The following NEDD4L variants were observed in gnomAD, a reference collection of about 807,000 sequenced individuals.
NEDD4L encodes the protein E3 ubiquitin-protein ligase NEDD4-like.
NEDD4L carries 54 observed loss-of-function variants against 148.9 expected under a neutral mutation model. The observed-to-expected ratio is 0.36, with a 90% CI of 0.29 to 0.45. NEDD4L has a LOEUF of 0.45. Ranked by LOEUF, NEDD4L falls within the 20% of genes least tolerant of loss-of-function variation. The pLI, the probability that NEDD4L is intolerant of heterozygous loss-of-function variation, is 1.00. For synonymous variants in NEDD4L, 433 were observed against 440.7 expected (o/e 0.98, Z 0.22); for missense variants, 856 against 1,233.8 (o/e 0.69, Z 4.59).
chr18:58,307,245 C>G (rs1386615823), intron 5 of NEDD4L, among the ~76,000 whole-genome samples: 3 of 152,096 alleles, frequency 2.0e-5, no homozygotes, highest in Non-Finnish European at 2.9e-5. Context: ...GGAGCCTGGC[C>G]CCTCGTCTTC....
At chr18:58,133,748 A>G (rs2032478114) in intron 1 of NEDD4L, among the ~76,000 whole-genome samples, 1 of 152,222 alleles carries the variant, frequency 6.6e-6, no homozygotes, top group Admixed American at 6.5e-5. Context: ...GTGGCATAAT[A>G]ATAGGACACA....
intron 5 of NEDD4L, among the ~76,000 whole-genome samples, chr18:58,267,760 C>T (rs1190658762): frequency 6.6e-6 from 1 of 152,008 alleles, no homozygotes; most frequent in Admixed American, 6.5e-5. Flanking sequence ...TTTGCACCAG[C>T]GAGTCTGCTT....
At chr18:58,172,193 G>T (rs147078227) in intron 2 of NEDD4L, among the ~76,000 whole-genome samples, 1 of 152,256 alleles carries the variant, frequency 6.6e-6, no homozygotes, top group Non-Finnish European at 1.5e-5. Context: ...AGAGGTACAG[G>T]TGGCAAGGCA....
At chr18:58,330,625 A>G (rs1163400732) in intron 10 of NEDD4L, 113 bp from the exon 11 acceptor site, 2 of 704,344 alleles carry the variant, frequency 2.8e-6, no homozygotes, top group Non-Finnish European at 4.3e-6. Context: ...GGCACTTAGT[A>G]GGTGTTAATT....
chr18:58,062,979 C>A (rs1269509330), intron 1 of NEDD4L, among the ~76,000 whole-genome samples: 1 of 101,190 alleles, frequency 9.9e-6, no homozygotes, highest in African/African-American at 3.3e-5. Context: ...CAGAGCGAAA[C>A]TCCATCTCAA....
chr18:58,116,409 CCAGGCGCAGATGT>C (rs2085842622), intron 1 of NEDD4L, among the ~76,000 whole-genome samples: 1 of 152,178 alleles, frequency 6.6e-6, no homozygotes, highest in Non-Finnish European at 1.5e-5. Context: ...TGCGGTTCTT[CCAGGCGCAGATGT>C]CAGCCCTCTG....
At chr18:58,096,945 G>C (rs2084448536) in intron 1 of NEDD4L, among the ~76,000 whole-genome samples, 1 of 152,178 alleles carries the variant, frequency 6.6e-6, no homozygotes, top group Non-Finnish European at 1.5e-5. Flanking sequence ...GTGGCAGTTA[G>C]AACTTAGGGC....
rs12605830 is a variant in NEDD4L at position 58,277,828 on chromosome 18, T to A, written c.297+25774T>A. Among the ~76,000 whole-genome samples the A allele has an allele frequency of 5.4e-4, 82 of 152,344 alleles. 1 individual carries two copies. The East Asian group carries it at 0.015, about 27-fold the overall frequency. ...AAAAAGTTAGAAATGTATTGGCATG[T>A]TCTGATAGCTTATTTTTAACTACTT... On this transcript the variant is annotated intron_variant, in intron 5 of 30. Transcript: ENST00000400345.
chr18:58,299,493 AT>A (rs928528803), intron 5 of NEDD4L, among the ~76,000 whole-genome samples: 1 of 152,178 alleles, frequency 6.6e-6, no homozygotes, highest in African/African-American at 2.4e-5. Context: ...GAATCAAAAC[AT>A]TTTTTAGTAC....
At chr18:58,295,138 C>T (rs2055370920) in intron 5 of NEDD4L, among the ~76,000 whole-genome samples, 2 of 152,186 alleles carry the variant, frequency 1.3e-5, no homozygotes, top group African/African-American at 4.8e-5. Context: ...CCATAGTTTA[C>T]ACTAGGGTTC....
chr18:58,076,546 CTTT>C, intron 1 of NEDD4L, among the ~76,000 whole-genome samples: 1 of 152,240 alleles, frequency 6.6e-6, no homozygotes, highest in Middle Eastern at 3.4e-3. Context: ...GGCCAAAAGA[CTTT>C]TTAAAAATCC....
At chr18:58,084,105 C>G (rs1203751778) in intron 1 of NEDD4L, among the ~76,000 whole-genome samples, 1 of 152,130 alleles carries the variant, frequency 6.6e-6, no homozygotes, top group Non-Finnish European at 1.5e-5. Flanking sequence ...ACCTGGAAAA[C>G]ATTATGGGAA....
At chr18:58,390,384 C>G (rs1438535759) in intron 28 of NEDD4L, 1 of 343,982 alleles carries the variant, frequency 2.9e-6, no homozygotes, top group Non-Finnish European at 5.4e-6. Context: ...GAGCTTGGTG[C>G]CATCAGAGAG....
intron 1 of NEDD4L, among the ~76,000 whole-genome samples, chr18:58,113,790 T>C (rs1208305523): frequency 3.3e-5 from 5 of 152,120 alleles, no homozygotes; most frequent in Non-Finnish European, 7.4e-5. Context: ...AAACCCACTC[T>C]AGTTGCTGTG....
intron 6 of NEDD4L, among the ~76,000 whole-genome samples, chr18:58,319,804 C>T (rs1367819731): frequency 6.6e-6 from 1 of 152,166 alleles, no homozygotes; most frequent in African/African-American, 2.4e-5. Flanking sequence ...GTTGGCAGTA[C>T]TGACAAATGA....
chr18:58,349,726 C>A, intron 17 of NEDD4L, 112 bp downstream of exon 17: 1 of 820,570 alleles, frequency 1.2e-6, no homozygotes, highest in Non-Finnish European at 2.0e-6. Flanking sequence ...TTGTGGATCT[C>A]ATTGGTTTGT....
intron 1 of NEDD4L, among the ~76,000 whole-genome samples, chr18:58,130,859 C>A (rs1460564044): frequency 6.7e-6 from 1 of 148,662 alleles, no homozygotes; most frequent in East Asian, 2.0e-4. Flanking sequence ...TGGTTGTGAT[C>A]TAGTGGAACT....
intron 1 of NEDD4L, among the ~76,000 whole-genome samples, chr18:58,140,241 T>C (rs1246039700): frequency 1.3e-5 from 2 of 152,208 alleles, no homozygotes; most frequent in South Asian, 2.1e-4. Flanking sequence ...TGGGAAATTC[T>C]GGTACAGAGA....
At chr18:58,386,587 A>AT (rs1414594417) in intron 26 of NEDD4L, among the ~76,000 whole-genome samples, 2 of 152,230 alleles carry the variant, frequency 1.3e-5, no homozygotes, top group Non-Finnish European at 2.9e-5. Context: ...GGGATTCATC[A>AT]TTTTAAACAG....
Sources: gnomAD v4.1 joint callset for allele counts (sites outside exome capture counted in the v4.1 genomes callset) on GRCh38, gnomAD v4.1.1 for gene constraint, MANE v1.5 for transcripts, NCBI Gene and HGNC (gene_info 2026-07-23, HGNC 2026-07-21) for gene names.